MYO18B: variants seen among roughly 807,000 people sequenced by gnomAD.
MYO18B encodes the protein myosin XVIIIB.
A neutral mutation model predicts 273.0 loss-of-function variants in MYO18B; 204 were observed. The observed-to-expected ratio is 0.75, with a 90% CI of 0.67 to 0.84. MYO18B has a LOEUF of 0.84. Ranked by LOEUF, MYO18B falls within the 40% of genes least tolerant of loss-of-function variation. The pLI, the probability that MYO18B is intolerant of heterozygous loss-of-function variation, is 0.00. For synonymous variants in MYO18B, 1,330 were observed against 1,305.7 expected (o/e 1.02, Z -0.40); for missense variants, 3,212 against 3,287.6 (o/e 0.98, Z 0.56).
At chr22:25,843,050 T>C (rs1425991142) in intron 17 of MYO18B, among the ~76,000 whole-genome samples, 2 of 152,204 alleles carry the variant, frequency 1.3e-5, no homozygotes, top group African/African-American at 2.4e-5. Flanking sequence ...CTGGGAGGTA[T>C]GCTTTATTTA....
intron 41 of MYO18B, among the ~76,000 whole-genome samples, chr22:26,004,224 CTCTT>C (rs1352532701): frequency 4.6e-5 from 7 of 151,696 alleles, no homozygotes; most frequent in Non-Finnish European, 8.8e-5. Flanking sequence ...ACGACCCCCT[CTCTT>C]TCTGTGCCGC....
intron 42 of MYO18B, 80 bp from the exon 43 acceptor site, chr22:26,026,365 G>C (rs1936239779): frequency 5.0e-5 from 73 of 1,471,226 alleles, no homozygotes; most frequent in Non-Finnish European, 6.5e-5. Context: ...TAGTGCCTGT[G>C]CTTAGGGGCT....
chr22:26,059,004 T>C, the MYO18B span, among the ~76,000 whole-genome samples: 10 of 152,226 alleles, frequency 6.6e-5, no homozygotes, highest in Non-Finnish European at 2.9e-5. Flanking sequence ...ATAGCTCTTC[T>C]CTTTGCCTCT....
At chr22:25,914,284 G>A (rs986425528) in intron 33 of MYO18B, among the ~76,000 whole-genome samples, 1 of 152,130 alleles carries the variant, frequency 6.6e-6, no homozygotes. Flanking sequence ...AACAAAACCT[G>A]ATGTAATTTT....
At chr22:25,993,669 G>T (rs900047685) in intron 40 of MYO18B, among the ~76,000 whole-genome samples, 2 of 152,118 alleles carry the variant, frequency 1.3e-5, no homozygotes, top group Non-Finnish European at 2.9e-5. Context: ...CCAGACCTTT[G>T]CCATTCACAC....
intron 39 of MYO18B, among the ~76,000 whole-genome samples, chr22:25,986,122 A>G (rs2093200056): frequency 6.6e-6 from 1 of 152,192 alleles, no homozygotes; most frequent in African/African-American, 2.4e-5. Flanking sequence ...AGAGCCATGG[A>G]CTGCCGTCAG....
At chr22:25,900,282 A>G (rs1481747513) in intron 29 of MYO18B, 2 of 152,214 alleles carry the variant, frequency 1.3e-5, no homozygotes, top group Admixed American at 6.5e-5. Context: ...TTCCAGGTAG[A>G]TTAGCATTTT....
At chr22:25,865,240 C>T (rs2090852594) in intron 21 of MYO18B, among the ~76,000 whole-genome samples, 1 of 152,220 alleles carries the variant, frequency 6.6e-6, no homozygotes, top group African/African-American at 2.4e-5. Flanking sequence ...TTAATACCTG[C>T]ACTTACCCAC....
chr22:25,898,467 T>G lies in MYO18B; in HGVS notation c.4823+6T>G, dbSNP rs748278849. ...CTGGAGAAGAAGCAGAAGAAGTGAGTTGCATCTCTCACCATCACCTGGGCT... is the reference window on the plus strand; with the variant it reads ...CTGGAGAAGAAGCAGAAGAAGTGAGGTGCATCTCTCACCATCACCTGGGCT... On this transcript the variant is annotated splice_donor_region_variant and intron_variant, in intron 29 of 43. Transcript: ENST00000335473. The G allele has an allele frequency of 1.5e-5, 24 of 1,612,760 alleles. No individual in the cohort carries two copies. The South Asian group carries it at 2.6e-4, about 18-fold the overall frequency.
intron 13 of MYO18B, among the ~76,000 whole-genome samples, chr22:25,825,057 A>G (rs2089441678): frequency 6.6e-6 from 1 of 152,170 alleles, no homozygotes; most frequent in African/African-American, 2.4e-5. Context: ...AACTACACAC[A>G]CACGCATAGA....
chr22:25,915,378 T>G (rs968645711), intron 33 of MYO18B, among the ~76,000 whole-genome samples: 2 of 152,220 alleles, frequency 1.3e-5, no homozygotes, highest in Non-Finnish European at 2.9e-5. Flanking sequence ...CTATTGCTCC[T>G]GGGCTACAGA....
intron 8 of MYO18B, 131 bp downstream of exon 8, chr22:25,777,912 T>C: frequency 2.4e-6 from 2 of 846,796 alleles, no homozygotes; most frequent in Non-Finnish European, 3.4e-6. Flanking sequence ...GACCCCATGC[T>C]TGCTACTGGG....
intron 33 of MYO18B, among the ~76,000 whole-genome samples, chr22:25,920,436 T>A (rs2092323957): frequency 6.6e-6 from 1 of 152,112 alleles, no homozygotes; most frequent in Non-Finnish European, 1.5e-5. Flanking sequence ...TAACCTGTAC[T>A]TTTTGGCCAC....
chr22:26,022,906 C>G (rs1030666022), intron 42 of MYO18B, among the ~76,000 whole-genome samples: 4 of 152,214 alleles, frequency 2.6e-5, no homozygotes, highest in Non-Finnish European at 5.9e-5. Flanking sequence ...TGGCTTGGGC[C>G]CAGCAAACCT....
At chr22:25,946,704 T>C (rs2092716522) in intron 35 of MYO18B, among the ~76,000 whole-genome samples, 2 of 152,190 alleles carry the variant, frequency 1.3e-5, no homozygotes, top group South Asian at 2.1e-4. Flanking sequence ...CCACTCTAAG[T>C]GGTTCTCAGA....
chr22:25,949,326 C>T (rs934193851), intron 36 of MYO18B, among the ~76,000 whole-genome samples: 4 of 152,148 alleles, frequency 2.6e-5, no homozygotes, highest in African/African-American at 9.7e-5. Flanking sequence ...AAGACAACTC[C>T]AGCCTGGTAG....
In MYO18B at chr22:25,843,522, G is replaced by A. The variant is rs118038517; in HGVS notation, c.3209-213G>A. Among the ~76,000 whole-genome samples, 4,519 of 152,246 alleles carry A rather than the reference G, an allele frequency of 0.03. 92 individuals carry two copies. The highest frequency in any genetic ancestry group is 0.044 in the Non-Finnish European group (3,012 of 68,022). ...CGGATGATGTTTGGGAAAAACAGGTGTCCTAGATTTAAGAAAGCAAGAAAG... is the reference window on the plus strand; with the variant it reads ...CGGATGATGTTTGGGAAAAACAGGTATCCTAGATTTAAGAAAGCAAGAAAG... On this transcript the variant is annotated intron_variant, in intron 17 of 43. Transcript: ENST00000335473.
At chr22:25,947,489 C>CAG (rs2092726264) in intron 35 of MYO18B, among the ~76,000 whole-genome samples, 1 of 47,348 alleles carries the variant, frequency 2.1e-5, no homozygotes, top group Non-Finnish European at 4.2e-5. Flanking sequence ...ATGCCTAATA[C>CAG]ACACACACAC....
At chr22:25,763,796 A>G (rs1269187240) in intron 3 of MYO18B, among the ~76,000 whole-genome samples, 1 of 152,212 alleles carries the variant, frequency 6.6e-6, no homozygotes, top group Non-Finnish European at 1.5e-5. Flanking sequence ...TGTTTAGTGA[A>G]TGAATAAATG....
Sources: gnomAD v4.1 joint callset for allele counts (sites outside exome capture counted in the v4.1 genomes callset) on GRCh38, gnomAD v4.1.1 for gene constraint, MANE v1.5 for transcripts, NCBI Gene and HGNC (gene_info 2026-07-23, HGNC 2026-07-21) for gene names.